The following SLC26A5 variants were observed in gnomAD, a reference collection of about 807,000 sequenced individuals.
The protein encoded by SLC26A5 is prestin.
A neutral mutation model predicts 81.0 loss-of-function variants in SLC26A5; 51 were observed. The observed-to-expected ratio is 0.63, with a 90% CI of 0.50 to 0.80. The LOEUF is 0.80. SLC26A5 is among the 30% of genes least tolerant of loss of function. The probability of loss-of-function intolerance (pLI) is 0.00; values close to 1 mark genes in which losing one functional copy is unlikely to be tolerated. For synonymous variants in SLC26A5, 325 were observed against 332.8 expected (o/e 0.98, Z 0.25); for missense variants, 771 against 905.8 (o/e 0.85, Z 1.91).
intron 14 of SLC26A5, among the ~76,000 whole-genome samples, chr7:103,386,244 TAA>T (rs113764699): frequency 1.4e-5 from 2 of 144,288 alleles, no homozygotes; most frequent in Non-Finnish European, 1.5e-5. Context: ...ACTGGAGCAT[TAA>T]AAAAAAAAAA....
At chr7:103,398,058 C>A in intron 8 of SLC26A5, 44 bp from the exon 9 acceptor site, 1 of 1,403,494 alleles carries the variant, frequency 7.1e-7, no homozygotes, top group South Asian at 1.2e-5. Context: ...GATGAATGTT[C>A]AAATACTGCA....
intron 14 of SLC26A5, among the ~76,000 whole-genome samples, chr7:103,384,641 G>A (rs1822046652): frequency 6.6e-6 from 1 of 152,036 alleles, no homozygotes; most frequent in Non-Finnish European, 1.5e-5. Context: ...TGATTTGTCA[G>A]CTTCTGGATT....
At chr7:103,401,881 C>T (rs1051316812) in intron 8 of SLC26A5, among the ~76,000 whole-genome samples, 2 of 152,182 alleles carry the variant, frequency 1.3e-5, no homozygotes, top group African/African-American at 4.8e-5. Flanking sequence ...TATGTTGAAC[C>T]AGCCTTGCAT....
At chr7:103,403,767 G>A (rs1823799132) in intron 8 of SLC26A5, among the ~76,000 whole-genome samples, 2 of 147,908 alleles carry the variant, frequency 1.4e-5, no homozygotes, top group African/African-American at 5.0e-5. Flanking sequence ...GACTATGTGT[G>A]TCTTTGTATA....
chr7:103,421,542 C>A lies in SLC26A5; in HGVS notation c.-28G>T. 1.2e-6 allele frequency: 2 copies of A among 1,612,476 alleles called. No individual in the cohort carries two copies. The highest frequency in any genetic ancestry group is 1.7e-6 in the Non-Finnish European group (2 of 1,179,178). Reference sequence around the variant, plus strand: ...TACTCTGAAATTATTCCTTAACAGCCGGAGACAAGCATTTCCTGAGTGTCA... The same window carrying A: ...TACTCTGAAATTATTCCTTAACAGCAGGAGACAAGCATTTCCTGAGTGTCA... On this transcript the variant is annotated 5_prime_UTR_variant, in exon 3 of 20. Transcript: ENST00000306312.
intron 2 of SLC26A5, among the ~76,000 whole-genome samples, chr7:103,436,699 C>T (rs767067254): frequency 5.9e-5 from 9 of 152,182 alleles, no homozygotes; most frequent in Non-Finnish European, 1.2e-4. Flanking sequence ...TTTCTTTAGA[C>T]AGTCTCTTCA....
intron 8 of SLC26A5, among the ~76,000 whole-genome samples, chr7:103,399,684 C>G (rs1417190439): frequency 1.4e-4 from 21 of 152,172 alleles, no homozygotes; most frequent in Admixed American, 1.4e-3. Context: ...CAACCATCAT[C>G]TACATTAGGT....
At position 103,407,926 on chromosome 7, in the gene SLC26A5, C is replaced by G; in HGVS notation, c.813G>C (p.Leu271Phe). 1.2e-6 allele frequency: 2 copies of G among 1,614,210 alleles called. No individual in the cohort carries two copies. The highest frequency in any genetic ancestry group is 1.7e-6 in the Non-Finnish European group (2 of 1,180,034). Reference sequence around the variant, plus strand: ...CATTAAACTCCTTGCCACCCAACAGCAAACCAAAAACCATCAGCCCGACGC... The same window carrying G: ...CATTAAACTCCTTGCCACCCAACAGGAAACCAAAAACCATCAGCCCGACGC... Reference protein sequence around the residue: ...SLGVGLMVFGLLLGGKEFNER... With the variant: ...SLGVGLMVFGFLLGGKEFNER... Residue 271 changes from leucine (L) to phenylalanine (F), a missense_variant, in exon 8 of 20, where the codon TTG becomes TTC. Transcript: ENST00000306312.
At chr7:103,372,785 T>C (rs1388966311), downstream of SLC26A5, among the ~76,000 whole-genome samples, 3 of 151,598 alleles carry the variant, frequency 2.0e-5, no homozygotes, top group Non-Finnish European at 4.4e-5. Context: ...GCCACAGTTG[T>C]GACAATTTGA....
At chr7:103,411,305 TG>T in intron 6 of SLC26A5, 114 bp downstream of exon 6, 2 of 1,225,440 alleles carry the variant, frequency 1.6e-6, no homozygotes, top group Non-Finnish European at 2.3e-6. Context: ...CCCAGAGCTC[TG>T]GGGTTTTTCT....
chr7:103,395,343 C>CTTTTT (rs34420602), intron 9 of SLC26A5, among the ~76,000 whole-genome samples: 3 of 105,130 alleles, frequency 2.9e-5, no homozygotes, highest in Admixed American at 1.1e-4. Context: ...AACGTAAGGT[C>CTTTTT]TTTTTTTTTT....
At chr7:103,414,365 CAG>C (rs1562787558) in intron 4 of SLC26A5, among the ~76,000 whole-genome samples, 2 of 151,718 alleles carry the variant, frequency 1.3e-5, no homozygotes, top group South Asian at 2.1e-4. Context: ...TTTGTAGAGA[CAG>C]AGTTTCCCCA....
Position 103,391,614 on chromosome 7 carries a change from G to T in SLC26A5, c.1233+8C>A. 1 of 1,609,106 alleles carries T rather than the reference G, an allele frequency of 6.2e-7. No homozygotes were observed. The highest frequency in any genetic ancestry group is 1.1e-5 in the South Asian group (1 of 90,958). ...TCATCAGGTCTTAGAGGCCTGTTAT[G>T]TACATACCTGTGTCTTCCCACCGGT... On this transcript the variant is annotated splice_region_variant and intron_variant, in intron 11 of 19. Transcript: ENST00000306312.
intron 8 of SLC26A5, among the ~76,000 whole-genome samples, chr7:103,399,713 C>T (rs968849868): frequency 6.6e-6 from 1 of 152,256 alleles, no homozygotes; most frequent in African/African-American, 2.4e-5. Context: ...TAATGCTATC[C>T]CTCCTCAGCC....
At chr7:103,380,382 T>A (rs1053984793) in intron 15 of SLC26A5, 98 bp downstream of exon 15, 16 of 954,404 alleles carry the variant, frequency 1.7e-5, no homozygotes, top group Non-Finnish European at 2.5e-5. Flanking sequence ...CCACTATACC[T>A]CCCATCTTAC....
intron 9 of SLC26A5, among the ~76,000 whole-genome samples, chr7:103,393,841 T>C (rs895278773): frequency 5.3e-5 from 8 of 152,142 alleles, no homozygotes; most frequent in Non-Finnish European, 1.2e-4. Flanking sequence ...GACATTCTCC[T>C]CCAATTCAAG....
At chr7:103,427,135 G>A (rs764160134) in intron 2 of SLC26A5, among the ~76,000 whole-genome samples, 5 of 151,178 alleles carry the variant, frequency 3.3e-5, no homozygotes, top group East Asian at 3.9e-4. Flanking sequence ...GTGCAGTGGC[G>A]TGATCTTGGC....
chr7:103,378,759 A>G (rs1398057048), intron 16 of SLC26A5, among the ~76,000 whole-genome samples: 1 of 152,210 alleles, frequency 6.6e-6, no homozygotes, highest in East Asian at 1.9e-4. Context: ...ATTCAAGACA[A>G]CCAGAAGCTA....
In SLC26A5 at chr7:103,384,260, G is replaced by T. The variant is rs115704465; in HGVS notation, c.1515-3711C>A. ...GGCCTCCTAAATTGCTGGGATTATG[G>T]GCATGAGATGAGACACTGTGTTTGG... On this transcript the variant is annotated intron_variant, in intron 14 of 19. Coordinates refer to ENST00000306312, the MANE Select transcript of SLC26A5 (RefSeq NM_198999.3). Among the ~76,000 whole-genome samples the T allele has an allele frequency of 3.3e-3, 495 of 152,044 alleles. 1 individual carries two copies. Among genetic ancestry groups the T allele is most frequent in the African/African-American group, 0.012 (487 of 41,462 alleles).
Sources: gnomAD v4.1 joint callset for allele counts (sites outside exome capture counted in the v4.1 genomes callset) on GRCh38, gnomAD v4.1.1 for gene constraint, MANE v1.5 for transcripts, NCBI Gene and HGNC (gene_info 2026-07-23, HGNC 2026-07-21) for gene names.